WFS1: variants seen among roughly 807,000 people sequenced by gnomAD.
WFS1 encodes wolframin.
Under a neutral mutation model 68.5 loss-of-function variants are expected in WFS1, and 90 were observed. The observed-to-expected ratio is 1.31, with a 90% CI of 1.11 to 1.56. WFS1 has a LOEUF of 1.56. Among genes scored for constraint, WFS1 ranks in the 40% most tolerant of loss-of-function variants. WFS1 has a pLI of 0.00. For missense variants in WFS1, 1,767 were observed against 1,232.6 expected (o/e 1.43, Z -6.49); for synonymous variants, 860 against 540.7 (o/e 1.59, Z -8.19).
chr4:6,300,552 T>G (rs527750725), intron 7 of WFS1, 105 bp from the exon 8 acceptor site: 1 of 1,536,310 alleles, frequency 6.5e-7, no homozygotes, highest in Admixed American at 1.9e-5. Context: ...AACGCAAGGG[T>G]GCGGGTTCCT....
intron 1 of WFS1, among the ~76,000 whole-genome samples, chr4:6,273,717 C>A (rs1045574220): frequency 3.9e-5 from 6 of 152,226 alleles, no homozygotes; most frequent in African/African-American, 1.4e-4. Flanking sequence ...GCAGGTCCTT[C>A]CACCGGGAGA....
At chr4:6,297,682 C>T (rs1730674454) in intron 7 of WFS1, among the ~76,000 whole-genome samples, 2 of 152,166 alleles carry the variant, frequency 1.3e-5, no homozygotes, top group African/African-American at 2.4e-5. Context: ...GGGCCGATCA[C>T]CACAGGCCCA....
At chr4:6,284,989 G>C (rs1396669700) in intron 2 of WFS1, among the ~76,000 whole-genome samples, 1 of 151,626 alleles carries the variant, frequency 6.6e-6, no homozygotes, top group Non-Finnish European at 1.5e-5. Flanking sequence ...GGTGACGGCA[G>C]CAAGGAAGGA....
Position 6,302,323 on chromosome 4 carries a change from A to T in WFS1, c.2528A>T (p.Lys843Met), listed in dbSNP as rs763464027. 6.2e-7 allele frequency: 1 copy of T among 1,612,170 alleles called. No homozygotes were observed. The highest frequency in any genetic ancestry group is 8.5e-7 in the Non-Finnish European group (1 of 1,179,736). Residue 843 changes from lysine (K) to methionine (M), a missense_variant, in exon 8 of 8, where the codon AAG (lysine) becomes ATG (methionine). Transcript: ENST00000226760. ...LGSKWPVFELKAISCLNCMAQ... is the reference protein window; with the variant it reads ...LGSKWPVFELMAISCLNCMAQ... ...AGCAAGTGGCCTGTCTTCGAGCTCA[A>T]GGCCATCAGCTGCCTCAACTGCATG... is the stretch of plus-strand genomic sequence containing the variant.
chr4:6,292,313 G>T (rs948953118), intron 6 of WFS1, among the ~76,000 whole-genome samples: 1 of 152,154 alleles, frequency 6.6e-6, no homozygotes, highest in African/African-American at 2.4e-5. Flanking sequence ...AATACTGGGG[G>T]TGGGGACTGG....
intron 5 of WFS1, among the ~76,000 whole-genome samples, chr4:6,291,607 C>T (rs1730466400): frequency 6.6e-6 from 1 of 152,172 alleles, no homozygotes; most frequent in Non-Finnish European, 1.5e-5. Flanking sequence ...TCTGCCCTGG[C>T]TCAAGTGCTC....
At position 6,287,178 on chromosome 4, in the gene WFS1, GAGGACTGCGGTGCCGGC is replaced by G. The variant is rs945971712; in HGVS notation, c.315+7_315+23del. ...GGGACCCCAAGGCACAGACTGAGGTGAGGACTGCGGTGCCGGCAGGGACTTCGGGACGCGGCCCCCGG... is the reference window on the plus strand; with the variant it reads ...GGGACCCCAAGGCACAGACTGAGGTGAGGGACTTCGGGACGCGGCCCCCGG... On this transcript the variant is annotated splice_donor_5th_base_variant and intron_variant, in intron 3 of 7. Coordinates refer to ENST00000226760, the MANE Select transcript of WFS1 (RefSeq NM_006005.3). This position sits in a 1 kb window ranked among gnomAD's most constrained non-coding sequence, Gnocchi z 6.4. The G allele has an allele frequency of 3.9e-6, 6 of 1,556,110 alleles. No individual in the cohort carries two copies. Among genetic ancestry groups the G allele is most frequent in the Non-Finnish European group, 5.2e-6 (6 of 1,148,894 alleles).
chr4:6,291,682 G>T (rs574386228), intron 5 of WFS1, among the ~76,000 whole-genome samples: 12 of 152,336 alleles, frequency 7.9e-5, no homozygotes, highest in African/African-American at 2.6e-4. Flanking sequence ...CAATGGGACG[G>T]ACTGTGTCCA....
Position 6,296,033 on chromosome 4 carries a change from C to T in WFS1, c.861+844C>T, listed in dbSNP as rs765755524. The stretch of plus-strand genomic sequence containing the variant: ...GGCTGCGGGCAGTATCATGCAGGCA[C>T]CCTGGGGTTCTGTCTTCTGAACTGA... On this transcript the variant is annotated intron_variant, in intron 7 of 7. Coordinates refer to ENST00000226760, the MANE Select transcript of WFS1 (RefSeq NM_006005.3). 5.9e-5 allele frequency among the ~76,000 whole-genome samples: 9 copies of T among 152,334 alleles called. No individual in the cohort carries two copies. The South Asian group carries it at 1.9e-3, about 32-fold the overall frequency.
chr4:6,270,035 G>T (rs936680506), intron 1 of WFS1, 21 bp downstream of exon 1: 17 of 119,202 alleles, frequency 1.4e-4, no homozygotes, highest in African/African-American at 7.0e-4. Context: ...CGGCGCTGGG[G>T]CAGTGGCGCG....
intron 5 of WFS1, 76 bp from the exon 6 acceptor site, chr4:6,291,841 G>A (rs1730472227): frequency 1.3e-5 from 19 of 1,476,234 alleles, no homozygotes; most frequent in African/African-American, 9.8e-5. Context: ...GGAACAGTGC[G>A]CCAGTTTCTG....
Position 6,291,379 on chromosome 4 carries a change from C to CACCCTGGGCACCAGCCT in WFS1, c.631+13_631+29dup, listed in dbSNP as rs1305796072. On this transcript the variant is annotated intron_variant, in intron 5 of 7. Transcript: ENST00000226760. ...GGTCAACGAGCACGGTGCGAGGATT[C>CACCCTGGGCACCAGCCT]ACCCTGGGCACCAGCCTTCCCTGGG... 6.2e-7 allele frequency: 1 copy of CACCCTGGGCACCAGCCT among 1,610,992 alleles called. No homozygotes were observed.
Position 6,275,529 on chromosome 4 carries a change from C to A in WFS1, c.-5-1922C>A, listed in dbSNP as rs1243557754. Reference sequence around the variant, plus strand: ...CCCAAGCTTGACCATGCATGGTTTGCACCTGGGGGATGCACCCGGGGGTGC... The same window carrying A: ...CCCAAGCTTGACCATGCATGGTTTGAACCTGGGGGATGCACCCGGGGGTGC... On this transcript the variant is annotated intron_variant, in intron 1 of 7. Coordinates refer to ENST00000226760, the MANE Select transcript of WFS1 (RefSeq NM_006005.3). Among the ~76,000 whole-genome samples, 4 of 122,854 alleles carry A rather than the reference C, an allele frequency of 3.3e-5. No individual in the cohort carries two copies. The South Asian group carries it at 8.0e-4, about 25-fold the overall frequency. 80.6% of individuals were successfully genotyped at this position (122,854 alleles called of 152,430 possible).
intron 6 of WFS1, among the ~76,000 whole-genome samples, chr4:6,294,174 G>A (rs1277868633): frequency 6.6e-6 from 1 of 152,104 alleles, no homozygotes; most frequent in Non-Finnish European, 1.5e-5. Flanking sequence ...CCTCTGCCCT[G>A]CCCCAGCATG....
Position 6,302,402 on chromosome 4 carries a change from C to G in WFS1, c.2607C>G (p.Ser869Arg). 1 of 1,613,200 alleles carries G rather than the reference C, an allele frequency of 6.2e-7. No individual in the cohort carries two copies. Among genetic ancestry groups the G allele is most frequent in the Non-Finnish European group, 8.5e-7 (1 of 1,180,020 alleles). The change falls in exon 8 of 8, where the codon AGC becomes AGG. Residue 869 changes from serine to arginine, a missense_variant. Coordinates refer to ENST00000226760, the MANE Select transcript of WFS1 (RefSeq NM_006005.3). Reference protein sequence around the residue: ...RHVKIEHDWRSTVHGAVKFAF... With the variant: ...RHVKIEHDWRRTVHGAVKFAF... ...TGAAGATCGAGCACGACTGGCGCAG[C>G]ACCGTGCATGGCGCCGTGAAGTTCG...
chr4:6,286,004 C>G (rs778363390), intron 2 of WFS1, among the ~76,000 whole-genome samples: 2 of 152,208 alleles, frequency 1.3e-5, no homozygotes, highest in Non-Finnish European at 2.9e-5. Context: ...AGGAAAATGA[C>G]TTCCCAAAAG....
rs762797713 is a variant in WFS1, at chr4:6,302,024, C to T, written c.2229C>T (p.Ser743=). ...ACGGCGAGGCCTACCCTGCCTGCAG[C>T]CCTGGCAACACCTCCACGGCCGAGG... is the stretch of plus-strand genomic sequence containing the variant. The part of the protein sequence containing the change: ...CLYGEAYPAC[S]PGNTSTAEEE... Residue 743 remains serine, a synonymous_variant, in exon 8 of 8, where the codon AGC becomes AGT. Transcript: ENST00000226760. 1.9e-6 allele frequency: 3 copies of T among 1,612,812 alleles called. No homozygotes were observed. Among genetic ancestry groups the T allele is most frequent in the East Asian group, 2.2e-5 (1 of 44,880 alleles).
rs537985011 is a variant in WFS1, at chr4:6,295,216, C to A, written c.861+27C>A. Reference sequence around the variant, plus strand: ...TGAGTGACCAAGACCCCGGTCAGGCCGGAGCCTGCCTCCCAAGGACTCGCG... The same window carrying A: ...TGAGTGACCAAGACCCCGGTCAGGCAGGAGCCTGCCTCCCAAGGACTCGCG... On this transcript the variant is annotated intron_variant, in intron 7 of 7. Transcript: ENST00000226760. The A allele has an allele frequency of 9.9e-6, 16 of 1,609,930 alleles. No individual in the cohort carries two copies. The South Asian group carries it at 1.6e-4, about 17-fold the overall frequency.
chr4:6,301,329 C>T lies in WFS1; in HGVS notation c.1534C>T (p.Leu512Phe). 6.2e-7 allele frequency: 1 copy of T among 1,611,962 alleles called. No individual in the cohort carries two copies. The highest frequency in any genetic ancestry group is 1.1e-5 in the South Asian group (1 of 91,082). The change falls in exon 8 of 8, where the codon CTC (leucine) becomes TTC (phenylalanine). Residue 512 changes from leucine (L) to phenylalanine (F), a missense_variant. Physicochemically the swap from Leu to Phe is conservative, Grantham distance 22. Transcript: ENST00000226760. The part of the protein sequence containing the change: ...SVPCLLYVYL[L>F]YLFFRMAQLR... ...CCCGTGCCTGCTCTATGTCTACCTG[C>T]TCTATCTCTTCTTCCGCATGGCACA...
Sources: allele counts gnomAD v4.1 joint callset (sites outside exome capture counted in the v4.1 genomes callset), GRCh38; gene constraint gnomAD v4.1.1; non-coding constraint Gnocchi (gnomAD v3.1); transcripts MANE v1.5; gene names NCBI Gene and HGNC (gene_info 2026-07-23, HGNC 2026-07-21).